Variants in CDC26 observed in about 807,000 individuals in gnomAD.
CDC26 encodes the protein anaphase-promoting complex subunit CDC26.
A neutral mutation model predicts 8.0 loss-of-function variants in CDC26; 2 were observed. The observed-to-expected ratio is 0.25, with a 90% CI of 0.10 to 0.79. The LOEUF (loss-of-function observed/expected upper bound fraction) is 0.79. Among genes scored for constraint, CDC26 ranks in the 30% least tolerant of loss-of-function variants. CDC26 has a pLI of 0.70. For synonymous variants in CDC26, 19 were observed against 34.9 expected (o/e 0.55, Z 1.60); for missense variants, 68 against 106.0 (o/e 0.64, Z 1.57).
chr9:113,273,152 T>G (rs1465025070), intron 2 of CDC26, among the ~76,000 whole-genome samples, 177 bp downstream of exon 2: 1 of 152,236 alleles, frequency 6.6e-6, no homozygotes, highest in Non-Finnish European at 1.5e-5. Context: ...CATGTTCCAG[T>G]CACATTCAAA....
intron 2 of CDC26, 141 bp from the exon 3 acceptor site, chr9:113,272,689 GTC>G: frequency 7.5e-6 from 3 of 399,070 alleles, no homozygotes; most frequent in East Asian, 5.5e-5. Context: ...GACTTCTAAA[GTC>G]TTTTTTTTTT....
intron 3 of CDC26, among the ~76,000 whole-genome samples, chr9:113,269,777 T>A (rs759997965): frequency 2.6e-5 from 4 of 152,226 alleles, no homozygotes; most frequent in Non-Finnish European, 4.4e-5. Context: ...TAGAGAACAC[T>A]AAAGTCTCTT....
At chr9:113,271,015 G>T (rs569576923) in intron 3 of CDC26, among the ~76,000 whole-genome samples, 1 of 152,180 alleles carries the variant, frequency 6.6e-6, no homozygotes, top group Admixed American at 6.5e-5. Flanking sequence ...GTTACTTAGC[G>T]CAGGACTGTA....
chr9:113,275,503 T>C lies in CDC26; in HGVS notation c.-273A>G. The C allele has an allele frequency of 2.1e-6, 1 of 485,256 alleles. No homozygotes were observed. 30.1% of individuals were successfully genotyped at this position (485,256 alleles called of 1,614,324 possible). On this transcript the variant is annotated 5_prime_UTR_variant, in exon 1 of 4. Transcript: ENST00000374206. ...GAGCCTCTCTCTCCGCAGAACCTCG[T>C]CTTCCGCGAGCTTTTCCTGGAGGTT...
intron 3 of CDC26, among the ~76,000 whole-genome samples, chr9:113,270,634 A>T (rs935870889): frequency 2.8e-4 from 43 of 152,222 alleles, no homozygotes; most frequent in African/African-American, 1.0e-3. Context: ...ATTTGAATGA[A>T]GACTGGAAGA....
At chr9:113,268,835 A>T (rs1588001325) in intron 3 of CDC26, among the ~76,000 whole-genome samples, 1 of 151,772 alleles carries the variant, frequency 6.6e-6, no homozygotes, top group South Asian at 2.1e-4. Context: ...GCTCACTGCA[A>T]CCTCCGCCTC....
intron 1 of CDC26, among the ~76,000 whole-genome samples, chr9:113,273,821 CAAAAA>C (rs149642304): frequency 1.9e-5 from 1 of 53,268 alleles, no homozygotes. Context: ...GACCCCAACT[CAAAAA>C]AAAAAAAAAA....
chr9:113,274,682 T>C (rs968378460), intron 1 of CDC26, among the ~76,000 whole-genome samples: 4 of 152,244 alleles, frequency 2.6e-5, no homozygotes, highest in African/African-American at 4.8e-5. Flanking sequence ...TCCTGAACAA[T>C]TCGTTTCATT....
chr9:113,273,799 A>G (rs1831998950), intron 1 of CDC26, among the ~76,000 whole-genome samples: 2 of 135,316 alleles, frequency 1.5e-5, no homozygotes, highest in South Asian at 4.9e-4. Flanking sequence ...GTGAGCCATG[A>G]CCTCACCATG....
chr9:113,273,176 T>A (rs1831987150), intron 2 of CDC26, among the ~76,000 whole-genome samples, 153 bp downstream of exon 2: 1 of 152,190 alleles, frequency 6.6e-6, no homozygotes, highest in Non-Finnish European at 1.5e-5. Flanking sequence ...CTACTCTAGC[T>A]AAAAGAATAA....
At chr9:113,272,207 C>G (rs1370305351) in intron 3 of CDC26, among the ~76,000 whole-genome samples, 2 of 152,096 alleles carry the variant, frequency 1.3e-5, no homozygotes, top group African/African-American at 2.4e-5. Context: ...CACTTGAGGT[C>G]AGGAGTTGAG....
chr9:113,268,274 C>A (rs1410365373), intron 3 of CDC26, among the ~76,000 whole-genome samples: 3 of 152,144 alleles, frequency 2.0e-5, no homozygotes, highest in African/African-American at 7.2e-5. Context: ...AAATCTATAG[C>A]CTGACTGATC....
intron 3 of CDC26, among the ~76,000 whole-genome samples, chr9:113,270,867 G>C (rs1831945280): frequency 6.6e-6 from 1 of 152,170 alleles, no homozygotes; most frequent in Admixed American, 6.5e-5. Context: ...AAACTACTGA[G>C]GAGTTTTAAA....
Position 113,273,451 on chromosome 9 carries a change from CAA to C in CDC26, c.-151-15_-151-14del, listed in dbSNP as rs1831990700. The stretch of plus-strand genomic sequence containing the variant: ...GTACAGTCATAATCTGTGGGGAAAA[CAA>C]AGAGAAAACTGTGATATCATGTAAT... On this transcript the variant is annotated splice_polypyrimidine_tract_variant and intron_variant, in intron 1 of 3. Transcript: ENST00000374206. 1 of 152,156 alleles carries C rather than the reference CAA, an allele frequency of 6.6e-6. No homozygotes were observed. The highest frequency in any genetic ancestry group is 6.6e-5 in the Admixed American group (1 of 15,262). The allele number at this position is 152,156 out of a possible 1,614,324, so 9.4% of individuals were successfully genotyped here.
At chr9:113,268,573 G>A (rs1157304648) in intron 3 of CDC26, among the ~76,000 whole-genome samples, 1 of 152,164 alleles carries the variant, frequency 6.6e-6, no homozygotes, top group Non-Finnish European at 1.5e-5. Context: ...CAAATCACTG[G>A]AATTACCACC....
At chr9:113,272,962 C>T (rs1292729716) in intron 2 of CDC26, among the ~76,000 whole-genome samples, 1 of 152,164 alleles carries the variant, frequency 6.6e-6, no homozygotes, top group Non-Finnish European at 1.5e-5. Context: ...AAAGTGCTGG[C>T]ATTATAGGCA....
chr9:113,271,942 A>G (rs549839933), intron 3 of CDC26, among the ~76,000 whole-genome samples: 2 of 152,120 alleles, frequency 1.3e-5, no homozygotes, highest in Admixed American at 1.3e-4. Flanking sequence ...GGCTCAAGCA[A>G]TCCTCCCGCC....
At chr9:113,271,134 G>A (rs890232259) in intron 3 of CDC26, among the ~76,000 whole-genome samples, 4 of 152,218 alleles carry the variant, frequency 2.6e-5, no homozygotes, top group Admixed American at 1.3e-4. Context: ...GAGGACTCAG[G>A]AATGACTGCT....
intron 3 of CDC26, among the ~76,000 whole-genome samples, chr9:113,270,206 C>T (rs1241852814): frequency 2.0e-5 from 3 of 152,130 alleles, no homozygotes; most frequent in African/African-American, 7.2e-5. Flanking sequence ...TGTGTATAGG[C>T]ACTGAGATTA....
Sources: gnomAD v4.1 joint callset for allele counts (sites outside exome capture counted in the v4.1 genomes callset) on GRCh38, gnomAD v4.1.1 for gene constraint, MANE v1.5 for transcripts, NCBI Gene and HGNC (gene_info 2026-07-23, HGNC 2026-07-21) for gene names.